The following FKTN variants were observed in gnomAD, a reference collection of about 807,000 sequenced individuals.
The protein encoded by FKTN is fukutin, also known as ribitol-5-phosphate transferase FKTN.
Under a neutral mutation model 58.6 loss-of-function variants are expected in FKTN, and 47 were observed. The observed-to-expected ratio is 0.80, with a 90% CI of 0.63 to 1.02. The LOEUF is 1.02. Ranked by LOEUF, FKTN falls within the 50% of genes least tolerant of loss-of-function variation. The pLI is 0.00. For missense variants in FKTN, 516 were observed against 537.3 expected, an observed-to-expected ratio of 0.96 and a Z score of 0.39; for synonymous variants, 178 against 191.9, an observed-to-expected ratio of 0.93 and a Z score of 0.60.
intron 1 of FKTN, among the ~76,000 whole-genome samples, chr9:105,561,142 A>G (rs1838230502): frequency 6.6e-6 from 1 of 151,966 alleles, no homozygotes; most frequent in African/African-American, 2.4e-5. Flanking sequence ...ACAGTGTCTC[A>G]TGCCTATAAT....
intron 3 of FKTN, among the ~76,000 whole-genome samples, chr9:105,585,326 G>A (rs1414147134): frequency 4.6e-5 from 7 of 152,166 alleles, no homozygotes; most frequent in Non-Finnish European, 4.4e-5. Context: ...TTGGGACACT[G>A]AGGTGAGAGA....
At chr9:105,620,153 A>G (rs1251001520) in intron 10 of FKTN, 92 bp downstream of exon 10, 1 of 1,106,518 alleles carries the variant, frequency 9.0e-7, no homozygotes, top group African/African-American at 1.6e-5. Context: ...AAAACCAAAA[A>G]TCTCTTTCAA....
intron 9 of FKTN, among the ~76,000 whole-genome samples, chr9:105,619,608 C>A (rs989105419): frequency 4.0e-5 from 6 of 151,824 alleles, no homozygotes; most frequent in East Asian, 1.9e-4. Flanking sequence ...TTCTTTGGTT[C>A]TTTTCCTTTT....
chr9:105,578,770 G>T (rs1048153064), intron 3 of FKTN, among the ~76,000 whole-genome samples: 1 of 151,510 alleles, frequency 6.6e-6, no homozygotes, highest in Non-Finnish European at 1.5e-5. Flanking sequence ...TGTACCTCTG[G>T]TAGAATTCGG....
At chr9:105,598,404 G>A in intron 4 of FKTN, 1 of 159,582 alleles carries the variant, frequency 6.3e-6, no homozygotes, top group South Asian at 1.7e-4. Context: ...AGATGACTTG[G>A]GAGCACTTAG....
chr9:105,639,514 G>A lies in FKTN; in HGVS notation c.*4250G>A, dbSNP rs769443431. On this transcript the variant is annotated 3_prime_UTR_variant, in exon 11 of 11. Coordinates refer to ENST00000357998, the MANE Select transcript of FKTN (RefSeq NM_001079802.2). The stretch of plus-strand genomic sequence containing the variant: ...TTCTTAGCCTCAGGCCTAGGATTAA[G>A]TAAGTACTCAAGAAATGTGCAATTT... 4.0e-5 allele frequency: 35 copies of A among 883,840 alleles called. No homozygotes were observed. Among genetic ancestry groups the A allele is most frequent in the Non-Finnish European group, 4.6e-5 (34 of 737,522 alleles). 54.7% of individuals were successfully genotyped at this position (883,840 alleles called of 1,614,324 possible).
In FKTN at chr9:105,639,570, A is replaced by T. The variant is rs1482191353; in HGVS notation, c.*4306A>T. 7.1e-6 allele frequency: 7 copies of T among 980,422 alleles called. No individual in the cohort carries two copies. In the East Asian group the frequency reaches 3.4e-4, roughly 48 times the overall value. 60.7% of individuals were successfully genotyped at this position (980,422 alleles called of 1,614,324 possible). On this transcript the variant is annotated 3_prime_UTR_variant, in exon 11 of 11. Transcript: ENST00000357998. ...TTCCATGTTTCTTTTCTAATCTTCA[A>T]ATGGAATTATAGAAACCATGGGTCA...
chr9:105,603,843 T>C, intron 5 of FKTN: 1 of 304,372 alleles, frequency 3.3e-6, no homozygotes, highest in South Asian at 3.2e-5. Context: ...CTTGGCAAAT[T>C]TTTGTTTGTA....
At chr9:105,592,028 C>T (rs758386706) in intron 3 of FKTN, among the ~76,000 whole-genome samples, 1 of 152,200 alleles carries the variant, frequency 6.6e-6, no homozygotes, top group South Asian at 2.1e-4. Flanking sequence ...AGGCACTGGG[C>T]GTAGCCCACC....
chr9:105,593,110 G>C (rs1367546575), intron 3 of FKTN, among the ~76,000 whole-genome samples: 2 of 152,178 alleles, frequency 1.3e-5, no homozygotes, highest in Admixed American at 6.5e-5. Flanking sequence ...TTGTTCTAGA[G>C]GCTGTACAGG....
At chr9:105,600,146 A>G (rs1827616999) in intron 4 of FKTN, among the ~76,000 whole-genome samples, 1 of 152,080 alleles carries the variant, frequency 6.6e-6, no homozygotes, top group Admixed American at 6.6e-5. Flanking sequence ...GAGGTAATAA[A>G]CCCCTATAAG....
intron 9 of FKTN, among the ~76,000 whole-genome samples, chr9:105,618,415 A>C (rs1235813668): frequency 6.6e-6 from 1 of 152,220 alleles, no homozygotes; most frequent in African/African-American, 2.4e-5. Flanking sequence ...ACAATGTAAT[A>C]TAAAATCAAT....
At chr9:105,631,469 C>T (rs994790377) in intron 10 of FKTN, among the ~76,000 whole-genome samples, 10 of 151,986 alleles carry the variant, frequency 6.6e-5, no homozygotes, top group Non-Finnish European at 4.4e-5. Flanking sequence ...AAGCCAGGTT[C>T]GGGAACAGGC....
chr9:105,558,798 G>A (rs1359196975), intron 1 of FKTN, among the ~76,000 whole-genome samples: 1 of 152,180 alleles, frequency 6.6e-6, no homozygotes, highest in Non-Finnish European at 1.5e-5. Context: ...AAAAGGCTGT[G>A]TTTGAGCTAG....
chr9:105,616,974 C>G (rs1293097889), intron 8 of FKTN, among the ~76,000 whole-genome samples: 1 of 151,352 alleles, frequency 6.6e-6, no homozygotes, highest in Non-Finnish European at 1.5e-5. Context: ...TGTGTGTCAT[C>G]AAAGACACTT....
At position 105,635,190 on chromosome 9, in the gene FKTN, C is replaced by T. The variant is rs150852885; in HGVS notation, c.1312C>T (p.Arg438Cys). The part of the protein sequence containing the change: ...KIPVKTWDWK[R>C]SPPNVQPNGI... ...TCCTGTAAAGACGTGGGACTGGAAG[C>T]GCTCTCCTCCCAATGTGCAACCCAA... The change falls in exon 11 of 11, where the codon CGC (arginine) becomes TGC (cysteine). Residue 438 changes from arginine (R) to cysteine (C), a missense_variant. Transcript: ENST00000357998. 46 of 1,614,016 alleles carry T rather than the reference C, an allele frequency of 2.9e-5. No individual in the cohort carries two copies. The highest frequency in any genetic ancestry group is 4.5e-5 in the East Asian group (2 of 44,890).
intron 3 of FKTN, 52 bp downstream of exon 3, chr9:105,575,189 T>C (rs1452504627): frequency 1.9e-6 from 2 of 1,029,056 alleles, no homozygotes; most frequent in South Asian, 2.5e-5. Flanking sequence ...CATTGTATAT[T>C]TTCTGATCAC....
chr9:105,559,203 C>G (rs1837793579), intron 1 of FKTN, among the ~76,000 whole-genome samples: 1 of 152,156 alleles, frequency 6.6e-6, no homozygotes, highest in African/African-American at 2.4e-5. Context: ...TCGTAGAGTG[C>G]TGAGGTTGCC....
At chr9:105,597,820 G>C (rs1234790806) in intron 4 of FKTN, among the ~76,000 whole-genome samples, 1 of 152,052 alleles carries the variant, frequency 6.6e-6, no homozygotes, top group Non-Finnish European at 1.5e-5. Context: ...TTTCAGATTT[G>C]CCATTTATTA....
Sources: gnomAD v4.1 joint callset for allele counts (sites outside exome capture counted in the v4.1 genomes callset) on GRCh38, gnomAD v4.1.1 for gene constraint, MANE v1.5 for transcripts, NCBI Gene and HGNC (gene_info 2026-07-23, HGNC 2026-07-21) for gene names.